The following CLHC1 variants were observed in gnomAD, a reference collection of about 807,000 sequenced individuals.
CLHC1 encodes clathrin heavy chain linker domain-containing protein 1.
In CLHC1, 72 loss-of-function variants were observed where a neutral mutation model predicts 69.5. The ratio of observed to expected loss-of-function variants is 1.04; its 90% CI spans 0.86 to 1.26. CLHC1 has a LOEUF of 1.26. CLHC1 is among the 50% of genes most tolerant of loss of function. CLHC1 has a pLI of 0.00. For missense variants in CLHC1, 790 were observed against 679.3 expected (o/e 1.16, Z -1.81); for synonymous variants, 223 against 224.3 (o/e 0.99, Z 0.05).
intron 9 of CLHC1, chr2:55,205,600 C>A (rs985685172): frequency 7.9e-5 from 12 of 152,188 alleles, no homozygotes; most frequent in African/African-American, 2.4e-4. Context: ...TATGTCAAAA[C>A]TTACCAAATT....
intron 9 of CLHC1, among the ~76,000 whole-genome samples, chr2:55,203,175 G>A (rs1243495157): frequency 1.3e-5 from 2 of 152,038 alleles, no homozygotes; most frequent in Non-Finnish European, 2.9e-5. Context: ...CACAAAAAAT[G>A]GAAACATATG....
At position 55,222,532 on chromosome 2, in the gene CLHC1, TTTAAC is replaced by T. The variant is rs1305076640; in HGVS notation, c.-82-44_-82-40del. 7 of 698,098 alleles carry T rather than the reference TTTAAC, an allele frequency of 1.0e-5. 1 individual carries two copies. The South Asian group carries it at 1.6e-4, about 16-fold the overall frequency. The allele number at this position is 698,098 out of a possible 1,614,324, so 43.2% of individuals were successfully genotyped here. ...AGAGCATCAATTAATATAATAATTTTTTAACTTAAGTCAAATATTGATCTAAAAAT... is the reference window on the plus strand; with the variant it reads ...AGAGCATCAATTAATATAATAATTTTTTAAGTCAAATATTGATCTAAAAAT... On this transcript the variant is annotated intron_variant, in intron 2 of 12. Transcript: ENST00000401408.
At chr2:55,187,383 C>T (rs1194448546) in intron 9 of CLHC1, among the ~76,000 whole-genome samples, 2 of 151,976 alleles carry the variant, frequency 1.3e-5, no homozygotes, top group Non-Finnish European at 2.9e-5. Flanking sequence ...GAGGCCAAGA[C>T]AGGAAGATCA....
chr2:55,184,836 C>G (rs527359089), intron 9 of CLHC1, among the ~76,000 whole-genome samples: 1 of 150,556 alleles, frequency 6.6e-6, no homozygotes, highest in South Asian at 2.1e-4. Flanking sequence ...ACCCAGGAAG[C>G]GGAGGTTGCA....
intron 10 of CLHC1, 149 bp downstream of exon 10, chr2:55,181,421 A>T: frequency 1.6e-6 from 1 of 638,892 alleles, no homozygotes; most frequent in Non-Finnish European, 2.6e-6. Flanking sequence ...GAGCCACCAC[A>T]CCCGACCACT....
intron 9 of CLHC1, among the ~76,000 whole-genome samples, chr2:55,187,114 A>G (rs936212786): frequency 4.0e-5 from 6 of 151,272 alleles, no homozygotes; most frequent in African/African-American, 1.5e-4. Flanking sequence ...TAAAAACAAC[A>G]ACAAAAAAAT....
chr2:55,186,612 A>G (rs1670437103), intron 9 of CLHC1, among the ~76,000 whole-genome samples: 1 of 151,948 alleles, frequency 6.6e-6, no homozygotes, highest in Admixed American at 6.6e-5. Context: ...CAACAAAAAC[A>G]CATTAACCAG....
intron 9 of CLHC1, among the ~76,000 whole-genome samples, chr2:55,193,664 T>C (rs919806753): frequency 2.0e-5 from 3 of 152,202 alleles, no homozygotes; most frequent in Admixed American, 6.5e-5. Flanking sequence ...GGAACCCTTA[T>C]ACATTACTAG....
chr2:55,184,771 G>A (rs1670262277), intron 9 of CLHC1, among the ~76,000 whole-genome samples: 1 of 151,918 alleles, frequency 6.6e-6, no homozygotes. Flanking sequence ...CAGGTGTGGT[G>A]GCACCTGCCT....
chr2:55,177,693 T>A lies in CLHC1; in HGVS notation c.1473A>T (p.Leu491Phe), dbSNP rs912610834. The A allele has an allele frequency of 1.9e-6, 3 of 1,613,272 alleles. No homozygotes were observed. In the African/African-American group the frequency reaches 4.0e-5, roughly 22 times the overall value. ...TKELNEKQPS[L>F]SFGLAILHLF... ...GATGAAGTATAGCAAGACCAAAAGA[T>A]AAAGATGGTTGTTTCTCATTCAACT... The change falls in exon 12 of 13, where the codon TTA becomes TTT. Residue 491 changes from leucine (L) to phenylalanine (F), a missense_variant. Physicochemically the swap from Leu to Phe is conservative, Grantham distance 22. Coordinates refer to ENST00000401408, the MANE Select transcript of CLHC1 (RefSeq NM_152385.4).
chr2:55,184,616 G>C (rs914315955), intron 9 of CLHC1, among the ~76,000 whole-genome samples: 1 of 152,034 alleles, frequency 6.6e-6, no homozygotes. Flanking sequence ...GAAGATGAAA[G>C]ATTTCTTAGG....
intron 9 of CLHC1, among the ~76,000 whole-genome samples, chr2:55,191,618 T>C (rs1670938498): frequency 6.6e-6 from 1 of 152,154 alleles, no homozygotes; most frequent in East Asian, 1.9e-4. Context: ...GTGTTTTTAT[T>C]CTATACATCA....
rs776640253 is a variant in CLHC1 at position 55,181,744 on chromosome 2, G to C, written c.1007C>G (p.Ala336Gly). 1 of 1,608,162 alleles carries C rather than the reference G, an allele frequency of 6.2e-7. No homozygotes were observed. The highest frequency in any genetic ancestry group is 1.3e-5 in the African/African-American group (1 of 74,582). ...RNIGTMNTFK[A>G]VGKIRGKPLP... ...AGGCTTTCCTCTAATTTTTCCAACAGCTACAGAAAGGAGAAAATTTTCTGA... is the reference window on the plus strand; with the variant it reads ...AGGCTTTCCTCTAATTTTTCCAACACCTACAGAAAGGAGAAAATTTTCTGA... Residue 336 changes from alanine to glycine, a missense_variant and splice_region_variant, in exon 10 of 13, where the codon GCT becomes GGT. Ala to Gly is a moderately conservative substitution (Grantham distance 60, BLOSUM62 0). Transcript: ENST00000401408.
intron 9 of CLHC1, among the ~76,000 whole-genome samples, chr2:55,188,072 G>C (rs1670581464): frequency 1.3e-5 from 2 of 152,246 alleles, no homozygotes; most frequent in Admixed American, 1.3e-4. Context: ...CCAGCATTTT[G>C]GGAGGCCAAG....
chr2:55,217,240 G>A (rs1166544173), intron 4 of CLHC1, among the ~76,000 whole-genome samples: 1 of 150,928 alleles, frequency 6.6e-6, no homozygotes, highest in Non-Finnish European at 1.5e-5. Flanking sequence ...TTTTTGGCCA[G>A]CACAGTGGTT....
At chr2:55,225,798 G>A (rs916873534) in intron 2 of CLHC1, 2 of 152,262 alleles carry the variant, frequency 1.3e-5, no homozygotes, top group Non-Finnish European at 2.9e-5. Flanking sequence ...GCACTGATCT[G>A]TGAGCTCTGG....
chr2:55,195,764 A>G (rs1671353510), intron 9 of CLHC1, among the ~76,000 whole-genome samples: 1 of 152,172 alleles, frequency 6.6e-6, no homozygotes, highest in African/African-American at 2.4e-5. Flanking sequence ...GCACCACTGC[A>G]CTCCAGCCTG....
chr2:55,229,229 T>C (rs367929124), intron 1 of CLHC1, among the ~76,000 whole-genome samples: 45 of 150,980 alleles, frequency 3.0e-4, no homozygotes, highest in African/African-American at 1.0e-3. Context: ...TTAAGTTGTA[T>C]GAAGAAAAAT....
chr2:55,194,278 T>C (rs950982708), intron 9 of CLHC1, among the ~76,000 whole-genome samples: 2 of 152,194 alleles, frequency 1.3e-5, no homozygotes, highest in Non-Finnish European at 2.9e-5. Flanking sequence ...ATATTCATTA[T>C]ACTAATAGAA....
Sources: allele counts gnomAD v4.1 joint callset (sites outside exome capture counted in the v4.1 genomes callset), GRCh38; gene constraint gnomAD v4.1.1; transcripts MANE v1.5; gene names NCBI Gene and HGNC (gene_info 2026-07-23, HGNC 2026-07-21).